The following GRID2 variants were observed in gnomAD, a reference collection of about 807,000 sequenced individuals.
GRID2 encodes glutamate receptor ionotropic, delta-2.
Under a neutral mutation model 114.8 loss-of-function variants are expected in GRID2, and 33 were observed. The observed-to-expected ratio is 0.29, with a 90% CI of 0.22 to 0.38. The LOEUF (loss-of-function observed/expected upper bound fraction) is 0.38, where lower values mean the gene tolerates loss of function less well. Ranked by LOEUF, GRID2 falls within the 10% of genes least tolerant of loss-of-function variation. The pLI is 1.00. For synonymous variants in GRID2, 505 were observed against 449.9 expected, an observed-to-expected ratio of 1.12 and a Z score of -1.55; for missense variants, 1,184 against 1,257.7, an observed-to-expected ratio of 0.94 and a Z score of 0.89.
At chr4:93,386,551 C>T (rs927982967) in intron 8 of GRID2, among the ~76,000 whole-genome samples, 3 of 152,026 alleles carry the variant, frequency 2.0e-5, no homozygotes, top group African/African-American at 7.2e-5. Flanking sequence ...AGCTTTTATT[C>T]CACTTACTGT....
At chr4:92,365,110 C>T (rs1033029235) in intron 1 of GRID2, among the ~76,000 whole-genome samples, 4 of 151,894 alleles carry the variant, frequency 2.6e-5, no homozygotes, top group African/African-American at 4.8e-5. Context: ...ACTGAACTAC[C>T]ATATAATCCA....
chr4:92,710,279 GAA>G (rs1221694394), intron 2 of GRID2, among the ~76,000 whole-genome samples: 1 of 145,870 alleles, frequency 6.9e-6, no homozygotes, highest in Non-Finnish European at 1.5e-5. Flanking sequence ...TAAAAGAGAA[GAA>G]AATAGTAAGT....
chr4:92,957,967 T>C (rs1560744385), intron 2 of GRID2, among the ~76,000 whole-genome samples: 1 of 152,042 alleles, frequency 6.6e-6, no homozygotes, highest in Non-Finnish European at 1.5e-5. Context: ...TCATGGCATA[T>C]AGGAAAGTGA....
At chr4:92,454,858 C>T (rs1179732105) in intron 1 of GRID2, among the ~76,000 whole-genome samples, 1 of 152,162 alleles carries the variant, frequency 6.6e-6, no homozygotes, top group East Asian at 1.9e-4. Context: ...GAAAAATCTG[C>T]ACCCCTGCAA....
intron 2 of GRID2, among the ~76,000 whole-genome samples, chr4:92,997,903 A>T (rs1755300912): frequency 1.3e-5 from 2 of 152,088 alleles, no homozygotes; most frequent in Admixed American, 6.6e-5. Flanking sequence ...AACATAATGA[A>T]ATGTATTTAT....
chr4:92,376,315 A>C (rs1315186237), intron 1 of GRID2, among the ~76,000 whole-genome samples: 2 of 152,070 alleles, frequency 1.3e-5, no homozygotes, highest in Non-Finnish European at 2.9e-5. Context: ...ATCTCAAAAA[A>C]ATAATATATT....
At chr4:93,286,723 G>GGCCTGCAAAGGAC (rs1554025389) in intron 8 of GRID2, among the ~76,000 whole-genome samples, 298 of 150,790 alleles carry the variant, frequency 2.0e-3, no homozygotes, top group African/African-American at 6.5e-3. Flanking sequence ...GTGTGTGTAT[G>GGCCTGCAAAGGAC]TTCCCACATT....
intron 4 of GRID2, among the ~76,000 whole-genome samples, chr4:93,201,159 T>C (rs1742067239): frequency 1.3e-5 from 2 of 152,218 alleles, no homozygotes; most frequent in Admixed American, 1.3e-4. Flanking sequence ...AAATAGTATA[T>C]ATTAATATGA....
chr4:93,014,786 C>T (rs1722518344), intron 2 of GRID2, among the ~76,000 whole-genome samples: 1 of 152,068 alleles, frequency 6.6e-6, no homozygotes, highest in African/African-American at 2.4e-5. Context: ...GCGATACACA[C>T]ACGTGCATTA....
Position 93,376,112 on chromosome 4 carries a change from A to T in GRID2, c.1246-19495A>T, listed in dbSNP as rs543498922. ...GGGCCCACCCATATGATCTCACTTAACCATAATTATCTTCTTTAAAGACCC... is the reference window on the plus strand; with the variant it reads ...GGGCCCACCCATATGATCTCACTTATCCATAATTATCTTCTTTAAAGACCC... On this transcript the variant is annotated intron_variant, in intron 8 of 15. Coordinates refer to ENST00000282020, the MANE Select transcript of GRID2 (RefSeq NM_001510.4). Among the ~76,000 whole-genome samples the T allele has an allele frequency of 4.6e-5, 7 of 152,242 alleles. No individual in the cohort carries two copies. The East Asian group carries it at 1.2e-3, about 25-fold the overall frequency.
At chr4:93,636,081 A>G (rs1441086139) in intron 14 of GRID2, among the ~76,000 whole-genome samples, 1 of 152,180 alleles carries the variant, frequency 6.6e-6, no homozygotes, top group Non-Finnish European at 1.5e-5. Flanking sequence ...TCAAGATGCA[A>G]CAGTACCCTT....
intron 1 of GRID2, among the ~76,000 whole-genome samples, chr4:92,402,380 A>C (rs1009511150): frequency 6.6e-6 from 1 of 152,154 alleles, no homozygotes; most frequent in South Asian, 2.1e-4. Flanking sequence ...GCCCAAATCC[A>C]TCAGAGGAAC....
intron 14 of GRID2, among the ~76,000 whole-genome samples, chr4:93,667,639 A>G (rs1333426741): frequency 6.6e-6 from 1 of 151,972 alleles, no homozygotes. Context: ...TATCACTGTT[A>G]CTTCCATTTG....
At chr4:93,771,980 G>T (rs1245035166) in intron 15 of GRID2, 96 bp from the exon 16 acceptor site, 7 of 720,214 alleles carry the variant, frequency 9.7e-6, no homozygotes. Context: ...AAACCCCAAA[G>T]TTCAGTTAAT....
At chr4:93,704,791 T>G (rs1727846496) in intron 14 of GRID2, among the ~76,000 whole-genome samples, 1 of 152,204 alleles carries the variant, frequency 6.6e-6, no homozygotes, top group Non-Finnish European at 1.5e-5. Flanking sequence ...GGATCTCAAT[T>G]TTTATGGTCA....
rs534286574 is a variant in GRID2 at position 92,412,298 on chromosome 4, A to G, written c.88+107554A>G. On this transcript the variant is annotated intron_variant, in intron 1 of 15. Transcript: ENST00000282020. ...AACCAAGCTATGTGCCAACTTATTT[A>G]TTGCATATTTTTAAAGAATATTTGT... 1.9e-3 allele frequency among the ~76,000 whole-genome samples: 286 copies of G among 152,242 alleles called. 5 individuals are homozygous for G. The highest frequency in any genetic ancestry group is 3.5e-4 in the Non-Finnish European group (24 of 68,002).
At chr4:93,106,393 C>T (rs1439995655) in intron 3 of GRID2, among the ~76,000 whole-genome samples, 1 of 152,168 alleles carries the variant, frequency 6.6e-6, no homozygotes, top group Non-Finnish European at 1.5e-5. Flanking sequence ...GTTGCCCAGG[C>T]TGGAATGCAG....
intron 2 of GRID2, among the ~76,000 whole-genome samples, chr4:92,947,133 G>A (rs933576079): frequency 6.6e-6 from 1 of 152,016 alleles, no homozygotes; most frequent in Non-Finnish European, 1.5e-5. Flanking sequence ...TTATATGTCT[G>A]TTGGCTTTAC....
intron 2 of GRID2, among the ~76,000 whole-genome samples, chr4:92,656,813 G>T (rs549030527): frequency 2.9e-4 from 44 of 151,764 alleles, no homozygotes; most frequent in Admixed American, 2.8e-3. Flanking sequence ...ACATTTTTTA[G>T]CAATTAGAGT....
Sources: gnomAD v4.1 joint callset for allele counts (sites outside exome capture counted in the v4.1 genomes callset) on GRCh38, gnomAD v4.1.1 for gene constraint, MANE v1.5 for transcripts, NCBI Gene and HGNC (gene_info 2026-07-23, HGNC 2026-07-21) for gene names.